Variants in RBP2 observed in about 807,000 individuals in gnomAD.
The protein encoded by RBP2 is retinol binding protein 2.
RBP2 carries 17 observed loss-of-function variants against 17.0 expected under a neutral mutation model. The ratio of observed to expected loss-of-function variants is 1.00; its 90% CI spans 0.68 to 1.50. The LOEUF (loss-of-function observed/expected upper bound fraction) is 1.50. RBP2 is among the 40% of genes most tolerant of loss of function. The pLI, the probability that RBP2 is intolerant of heterozygous loss-of-function variation, is 0.00. For missense variants in RBP2, 158 were observed against 168.2 expected, an observed-to-expected ratio of 0.94 and a Z score of 0.33; for synonymous variants, 48 against 57.1, an observed-to-expected ratio of 0.84 and a Z score of 0.72.
chr3:139,465,657 C>T (rs558065004), intron 1 of RBP2, among the ~76,000 whole-genome samples: 6 of 152,242 alleles, frequency 3.9e-5, no homozygotes, highest in Non-Finnish European at 7.4e-5. Context: ...TGTTAAATTT[C>T]CCCTGGAGAC....
chr3:139,472,025 TCCTTGGTAA>T (rs1933585486), intron 1 of RBP2, among the ~76,000 whole-genome samples: 1 of 152,218 alleles, frequency 6.6e-6, no homozygotes, highest in Non-Finnish European at 1.5e-5. Flanking sequence ...TGCACTTCAC[TCCTTGGTAA>T]TACAGTGCCT....
intron 1 of RBP2, among the ~76,000 whole-genome samples, chr3:139,463,006 G>C (rs139612068): frequency 1.3e-5 from 2 of 150,152 alleles, no homozygotes; most frequent in East Asian, 4.0e-4. Context: ...GCTAATTTTC[G>C]TATTTTTTGT....
intron 1 of RBP2, among the ~76,000 whole-genome samples, chr3:139,467,108 C>T (rs1194771166): frequency 6.6e-6 from 1 of 152,204 alleles, no homozygotes; most frequent in Non-Finnish European, 1.5e-5. Context: ...TTCCCCACCA[C>T]ACCATCATAG....
At chr3:139,467,804 G>T (rs1162135510) in intron 1 of RBP2, among the ~76,000 whole-genome samples, 4 of 152,118 alleles carry the variant, frequency 2.6e-5, no homozygotes, top group African/African-American at 9.7e-5. Flanking sequence ...GTTTTGCAAG[G>T]GGCTTGGACT....
chr3:139,455,422 C>T (rs920322025), intron 2 of RBP2, among the ~76,000 whole-genome samples: 3 of 152,132 alleles, frequency 2.0e-5, no homozygotes, highest in Non-Finnish European at 4.4e-5. Flanking sequence ...TTTTCAGATA[C>T]AATTCATCAT....
intron 2 of RBP2, 62 bp from the exon 3 acceptor site, chr3:139,454,892 A>ACCTGCAGCTGCAATT (rs1943369433): frequency 6.7e-7 from 1 of 1,495,388 alleles, no homozygotes; most frequent in African/African-American, 1.4e-5. Context: ...ACAAATCTAA[A>ACCTGCAGCTGCAATT]CCTGCAGCTG....
chr3:139,464,499 A>G (rs1933296641), intron 1 of RBP2, among the ~76,000 whole-genome samples: 2 of 152,100 alleles, frequency 1.3e-5, no homozygotes, highest in Non-Finnish European at 2.9e-5. Flanking sequence ...CTTTTCCCCA[A>G]AATCAAGGAG....
intron 2 of RBP2, among the ~76,000 whole-genome samples, chr3:139,457,053 T>C (rs1280566964): frequency 6.6e-6 from 1 of 152,190 alleles, no homozygotes; most frequent in African/African-American, 2.4e-5. Context: ...CCAGATTGCC[T>C]CACACATGAT....
chr3:139,471,357 T>C (rs575645796), intron 1 of RBP2, among the ~76,000 whole-genome samples: 19 of 152,350 alleles, frequency 1.2e-4, no homozygotes, highest in Admixed American at 6.5e-4. Flanking sequence ...ACAAGACACA[T>C]ATTCGGGGAA....
At chr3:139,464,001 G>A (rs1027519265) in intron 1 of RBP2, among the ~76,000 whole-genome samples, 5 of 152,080 alleles carry the variant, frequency 3.3e-5, no homozygotes, top group African/African-American at 9.7e-5. Context: ...TGCAGTGTCC[G>A]GTACAGGACA....
chr3:139,460,965 G>A (rs6778992), intron 2 of RBP2, among the ~76,000 whole-genome samples: 95,201 of 152,094 alleles, frequency 0.63, 32,526 homozygotes, highest in East Asian at 0.96. Context: ...ATGACAAGCC[G>A]GGAACCTTCC....
At chr3:139,476,013 T>C (rs1302231947) in intron 1 of RBP2, among the ~76,000 whole-genome samples, 2 of 152,166 alleles carry the variant, frequency 1.3e-5, no homozygotes. Flanking sequence ...CATTGGTGGA[T>C]AATATCAGGT....
In RBP2 at chr3:139,459,833, A is replaced by AGTGTGTGT. The variant is rs56943288; in HGVS notation, c.252+2271_252+2278dup. 1.6e-4 allele frequency among the ~76,000 whole-genome samples: 22 copies of AGTGTGTGT among 134,002 alleles called. 1 individual carries two copies. The highest frequency in any genetic ancestry group is 5.8e-4 in the African/African-American group (22 of 38,108). 87.9% of individuals were successfully genotyped at this position (134,002 alleles called of 152,430 possible). A position where few individuals can be genotyped will look rare whatever the true frequency, so the allele number is the denominator to read the frequency against. On this transcript the variant is annotated intron_variant, in intron 2 of 3. Transcript: ENST00000232217. The stretch of plus-strand genomic sequence containing the variant: ...TCACTCCCTACTAAGGGTGTGTGTG[A>AGTGTGTGT]GTGTGTGTGTGTGTGTGTGTGTGCA...
At chr3:139,459,029 T>C (rs1161317648) in intron 2 of RBP2, among the ~76,000 whole-genome samples, 1 of 152,086 alleles carries the variant, frequency 6.6e-6, no homozygotes, top group Admixed American at 6.6e-5. Context: ...TTGCTTCTGC[T>C]CTGGGCTGGC....
intron 2 of RBP2, among the ~76,000 whole-genome samples, chr3:139,459,976 CAG>C (rs1251859625): frequency 2.0e-5 from 3 of 152,020 alleles, no homozygotes; most frequent in Admixed American, 6.5e-5. Context: ...CACGGAGAGA[CAG>C]AAGAAAGGTA....
At chr3:139,453,220 C>T (rs567820411) in intron 3 of RBP2, 54 bp from the exon 4 acceptor site, 61 of 1,598,612 alleles carry the variant, frequency 3.8e-5, no homozygotes, top group Non-Finnish European at 1.2e-5. Context: ...TTCTTCTGCC[C>T]AGCCCTCAGC....
At chr3:139,463,273 GC>G (rs903474482) in intron 1 of RBP2, among the ~76,000 whole-genome samples, 1 of 151,596 alleles carries the variant, frequency 6.6e-6, no homozygotes, top group African/African-American at 2.4e-5. Flanking sequence ...TATAAGCTCT[GC>G]CTCCCAGGTT....
Sources: allele counts gnomAD v4.1 joint callset (sites outside exome capture counted in the v4.1 genomes callset), GRCh38; gene constraint gnomAD v4.1.1; transcripts MANE v1.5; gene names NCBI Gene and HGNC (gene_info 2026-07-23, HGNC 2026-07-21).